Variants in PDE4B observed in about 807,000 individuals in gnomAD.
PDE4B encodes 3',5'-cyclic-AMP phosphodiesterase 4B.
Under a neutral mutation model 82.2 loss-of-function variants are expected in PDE4B, and 20 were observed. The ratio of observed to expected loss-of-function variants is 0.24; its 90% CI spans 0.17 to 0.35. The LOEUF is 0.35. Ranked by LOEUF, PDE4B falls within the 10% of genes least tolerant of loss-of-function variation. PDE4B has a pLI of 1.00. For missense variants in PDE4B, 655 were observed against 907.2 expected, an observed-to-expected ratio of 0.72 and a Z score of 3.57; for synonymous variants, 320 against 318.9, an observed-to-expected ratio of 1.00 and a Z score of -0.04.
intron 7 of PDE4B, chr1:66,267,048 C>T (rs548827504): frequency 6.4e-6 from 1 of 155,600 alleles, no homozygotes; most frequent in African/African-American, 2.4e-5. Flanking sequence ...ATTACAAAAG[C>T]TTAGCTTCTA....
chr1:66,084,393 C>T (rs895333972), intron 3 of PDE4B, among the ~76,000 whole-genome samples: 15 of 152,200 alleles, frequency 9.9e-5, no homozygotes, highest in Admixed American at 9.8e-4. Flanking sequence ...CCCATGCGTT[C>T]TCATTAAGAG....
At chr1:65,878,049 A>C (rs912836021) in intron 1 of PDE4B, among the ~76,000 whole-genome samples, 13 of 152,146 alleles carry the variant, frequency 8.5e-5, no homozygotes, top group African/African-American at 4.8e-5. Context: ...GAAAAAAAAA[A>C]CAACCTATCA....
At chr1:66,007,452 C>T (rs575821083) in intron 3 of PDE4B, among the ~76,000 whole-genome samples, 10 of 151,698 alleles carry the variant, frequency 6.6e-5, no homozygotes, top group East Asian at 3.9e-4. Context: ...ACAAAACAAC[C>T]CCCCCCAACC....
At chr1:66,053,802 T>A (rs1483409840) in intron 3 of PDE4B, among the ~76,000 whole-genome samples, 1 of 152,110 alleles carries the variant, frequency 6.6e-6, no homozygotes, top group Non-Finnish European at 1.5e-5. Flanking sequence ...GAAGTAACAG[T>A]GAGCTGAGAT....
chr1:66,118,388 G>T (rs1024393649), intron 3 of PDE4B, among the ~76,000 whole-genome samples: 4 of 152,144 alleles, frequency 2.6e-5, no homozygotes, highest in Non-Finnish European at 5.9e-5. Context: ...ATACTATGCA[G>T]CCATAAAAAA....
At chr1:66,181,513 T>C (rs1647062891) in intron 3 of PDE4B, among the ~76,000 whole-genome samples, 2 of 152,224 alleles carry the variant, frequency 1.3e-5, no homozygotes, top group Non-Finnish European at 2.9e-5. Context: ...GAGCTGATGA[T>C]ACTGTTTCTT....
At chr1:65,820,425 A>G (rs940422567) in intron 1 of PDE4B, among the ~76,000 whole-genome samples, 8 of 152,236 alleles carry the variant, frequency 5.3e-5, no homozygotes, top group Non-Finnish European at 1.0e-4. Flanking sequence ...ATAAAATATG[A>G]AATTATAAAG....
chr1:65,902,052 A>T (rs1367407887), intron 1 of PDE4B, among the ~76,000 whole-genome samples: 1 of 152,080 alleles, frequency 6.6e-6, no homozygotes, highest in Non-Finnish European at 1.5e-5. Context: ...CCCAAAAGTT[A>T]TTCAGGAGCA....
intron 3 of PDE4B, among the ~76,000 whole-genome samples, chr1:66,082,043 G>A (rs1656768475): frequency 6.6e-6 from 1 of 152,044 alleles, no homozygotes; most frequent in Admixed American, 6.6e-5. Context: ...CAAAAGGAGA[G>A]TTGGAAGGGC....
intron 7 of PDE4B, among the ~76,000 whole-genome samples, chr1:66,314,801 G>A (rs1658914557): frequency 6.6e-6 from 1 of 152,140 alleles, no homozygotes; most frequent in Non-Finnish European, 1.5e-5. Context: ...TCCGCGTATG[G>A]TTACCGTTGC....
intron 1 of PDE4B, among the ~76,000 whole-genome samples, chr1:65,796,510 A>G (rs1308154999): frequency 6.6e-6 from 1 of 150,694 alleles, no homozygotes; most frequent in Non-Finnish European, 1.5e-5. Context: ...TACAGAGCCC[A>G]TCTAGTATTT....
intron 3 of PDE4B, among the ~76,000 whole-genome samples, chr1:66,092,489 G>A (rs116931630): frequency 6.6e-6 from 1 of 152,130 alleles, no homozygotes; most frequent in East Asian, 1.9e-4. Context: ...TGTGCCAAGT[G>A]CTCAGAGTAC....
At chr1:66,007,196 G>A (rs1242281718) in intron 3 of PDE4B, among the ~76,000 whole-genome samples, 1 of 152,074 alleles carries the variant, frequency 6.6e-6, no homozygotes, top group African/African-American at 2.4e-5. Context: ...TGTAATCCCA[G>A]CACTTTGGGA....
At chr1:65,825,739 T>TATCTATCTATCTATCTA (rs1553188316) in intron 1 of PDE4B, among the ~76,000 whole-genome samples, 9 of 151,970 alleles carry the variant, frequency 5.9e-5, no homozygotes, top group African/African-American at 2.2e-4. Flanking sequence ...TCTATCTATC[T>TATCTATCTATCTATCTA]ATCTATCTAT....
chr1:66,301,413 T>C (rs759072195), intron 7 of PDE4B, among the ~76,000 whole-genome samples: 2 of 152,066 alleles, frequency 1.3e-5, no homozygotes, highest in Non-Finnish European at 2.9e-5. Flanking sequence ...CATTTGATCC[T>C]GAGGTAAAAA....
chr1:66,031,123 A>G (rs1309792784), intron 3 of PDE4B, among the ~76,000 whole-genome samples: 1 of 152,232 alleles, frequency 6.6e-6, no homozygotes, highest in East Asian at 1.9e-4. Context: ...AAAAGTTGAA[A>G]TTAATAAAAA....
chr1:65,832,381 G>A (rs146324535), intron 1 of PDE4B, among the ~76,000 whole-genome samples: 169 of 152,280 alleles, frequency 1.1e-3, no homozygotes, highest in Admixed American at 3.7e-3. Flanking sequence ...TATTTAATTG[G>A]CATCTAGGTA....
intron 6 of PDE4B, among the ~76,000 whole-genome samples, chr1:66,258,734 A>G (rs1654453708): frequency 6.6e-6 from 1 of 152,214 alleles, no homozygotes; most frequent in Admixed American, 6.5e-5. Context: ...TGTTCACTAC[A>G]GAGTATCCTA....
chr1:66,244,017 C>T (rs181719967), intron 3 of PDE4B, among the ~76,000 whole-genome samples: 1 of 152,304 alleles, frequency 6.6e-6, no homozygotes, highest in African/African-American at 2.4e-5. Flanking sequence ...CTATCTGAAA[C>T]TTCTGTGTGA....
Sources: gnomAD v4.1 joint callset for allele counts (sites outside exome capture counted in the v4.1 genomes callset) on GRCh38, gnomAD v4.1.1 for gene constraint, MANE v1.5 for transcripts, NCBI Gene and HGNC (gene_info 2026-07-23, HGNC 2026-07-21) for gene names.